MC1R: variants seen among roughly 807,000 people sequenced by gnomAD.
MC1R encodes melanocyte-stimulating hormone receptor.
For missense variants in MC1R, 542 were observed against 430.0 expected (o/e 1.26, Z -2.30); for synonymous variants, 263 against 203.8 (o/e 1.29, Z -2.47).
In MC1R at chr16:89,920,089, C is replaced by G. The variant is rs778370171; in HGVS notation, c.831C>G (p.Phe277Leu). 6 of 1,613,956 alleles carry G rather than the reference C, an allele frequency of 3.7e-6. No individual in the cohort carries two copies. In the South Asian group the frequency reaches 4.4e-5, roughly 12 times the overall value. Residue 277 changes from phenylalanine (F) to leucine (L), a missense_variant, in exon 1 of 1, where the codon TTC (phenylalanine) becomes TTG (leucine). Transcript: ENST00000555147. ...CPEHPTCGCI[F>L]KNFNLFLALI... ...AGCACCCCACGTGCGGCTGCATCTTCAAGAACTTCAACCTCTTTCTCGCCC... is the reference window on the plus strand; with the variant it reads ...AGCACCCCACGTGCGGCTGCATCTTGAAGAACTTCAACCTCTTTCTCGCCC...
In MC1R at chr16:89,920,443, A is replaced by G; in HGVS notation, c.*231A>G. 1 of 619,890 alleles carries G rather than the reference A, an allele frequency of 1.6e-6. No homozygotes were observed. Among genetic ancestry groups the G allele is most frequent in the East Asian group, 2.7e-5 (1 of 36,496 alleles). 38.4% of individuals were successfully genotyped at this position (619,890 alleles called of 1,614,324 possible). On this transcript the variant is annotated 3_prime_UTR_variant, in exon 1 of 1. Coordinates refer to ENST00000555147, the MANE Select transcript of MC1R (RefSeq NM_002386.4). ...CACCAGCAGTCGTGGGGAACGGAGGAGGACATGGGGAGGTTGTGGGGCCTC... is the reference window on the plus strand; with the variant it reads ...CACCAGCAGTCGTGGGGAACGGAGGGGGACATGGGGAGGTTGTGGGGCCTC...
In MC1R at chr16:89,919,231, G is replaced by T; in HGVS notation, c.-28G>T. 4 of 1,473,962 alleles carry T rather than the reference G, an allele frequency of 2.7e-6. No homozygotes were observed. Among genetic ancestry groups the T allele is most frequent in the South Asian group, 1.3e-5 (1 of 77,234 alleles). 91.3% of individuals were successfully genotyped at this position (1,473,962 alleles called of 1,614,324 possible). ...CTGTGGGGACCTGGAGGCCTCCAACGACTCCTTCCTGCTTCCTGGACAGGA... is the reference window on the plus strand; with the variant it reads ...CTGTGGGGACCTGGAGGCCTCCAACTACTCCTTCCTGCTTCCTGGACAGGA... On this transcript the variant is annotated 5_prime_UTR_variant, in exon 1 of 1. Transcript: ENST00000555147.
In MC1R at chr16:89,920,958, A is replaced by G; in HGVS notation, c.*746A>G. Reference sequence around the variant, plus strand: ...CCAGGAAAGTCTGGTAATAAATGTGACTCAGCATCACCCACCTTAGCCCCT... The same window carrying G: ...CCAGGAAAGTCTGGTAATAAATGTGGCTCAGCATCACCCACCTTAGCCCCT... On this transcript the variant is annotated 3_prime_UTR_variant, in exon 1 of 1. Transcript: ENST00000555147. The G allele has an allele frequency of 1.9e-6, 1 of 522,950 alleles. No homozygotes were observed. 32.4% of individuals were successfully genotyped at this position (522,950 alleles called of 1,614,324 possible).
Position 89,920,077 on chromosome 16 carries a change from C to T in MC1R, c.819C>T (p.Cys273=), listed in dbSNP as rs375813196. 431 of 1,613,830 alleles carry T rather than the reference C, an allele frequency of 2.7e-4. No homozygotes were observed. The African/African-American group carries it at 5.1e-3, about 19-fold the overall frequency. ...TCCTCTGCCCCGAGCACCCCACGTG[C>T]GGCTGCATCTTCAAGAACTTCAACC... is the stretch of plus-strand genomic sequence containing the variant. ...LIVLCPEHPT[C]GCIFKNFNLF... is the part of the protein sequence containing the mutation. Residue 273 remains cysteine, a synonymous_variant, in exon 1 of 1, where the codon TGC becomes TGT. Coordinates refer to ENST00000555147, the MANE Select transcript of MC1R (RefSeq NM_002386.4).
Position 89,919,923 on chromosome 16 carries a change from C to T in MC1R, c.665C>T (p.Ala222Val). 1 of 1,609,720 alleles carries T rather than the reference C, an allele frequency of 6.2e-7. No individual in the cohort carries two copies. Residue 222 changes from alanine to valine, a missense_variant, in exon 1 of 1, where the codon GCC becomes GTC. Ala to Val is a moderately conservative substitution (Grantham distance 64, BLOSUM62 0). Transcript: ENST00000555147. ...GCCTGCCAGCACGCCCAGGGCATCG[C>T]CCGGCTCCACAAGAGGCAGCGCCCG... ...ARACQHAQGI[A>V]RLHKRQRPVH...
chr16:89,919,120 G>T lies in MC1R; in HGVS notation c.-139G>T. On this transcript the variant is annotated 5_prime_UTR_variant, in exon 1 of 1. Coordinates refer to ENST00000555147, the MANE Select transcript of MC1R (RefSeq NM_002386.4). Reference sequence around the variant, plus strand: ...AGGGTGTGAGGGCAGATCTGGGGGTGCCCAGATGGAAGGAGGCAGGCATGG... The same window carrying T: ...AGGGTGTGAGGGCAGATCTGGGGGTTCCCAGATGGAAGGAGGCAGGCATGG... The T allele has an allele frequency of 1.6e-6, 1 of 638,874 alleles. No individual in the cohort carries two copies. Among genetic ancestry groups the T allele is most frequent in the Non-Finnish European group, 2.7e-6 (1 of 368,250 alleles). 39.6% of individuals were successfully genotyped at this position (638,874 alleles called of 1,614,324 possible). A position where few individuals can be genotyped will look rare whatever the true frequency, so the allele number is the denominator to read the frequency against.
rs374827260 is a variant in MC1R at position 89,919,608 on chromosome 16, A to G, written c.350A>G (p.Asp117Gly). Residue 117 changes from aspartate to glycine, a missense_variant, in exon 1 of 1, where the codon GAC becomes GGC. Transcript: ENST00000555147. ...CGGGCTGCGGTGCTGCAGCAGCTGG[A>G]CAATGTCATTGACGTGATCACCTGC... ...VARAAVLQQL[D>G]NVIDVITCSS... 1 of 1,608,578 alleles carries G rather than the reference A, an allele frequency of 6.2e-7. No individual in the cohort carries two copies. The highest frequency in any genetic ancestry group is 8.5e-7 in the Non-Finnish European group (1 of 1,179,772).
Position 89,920,387 on chromosome 16 carries a change from G to A in MC1R, c.*175G>A, listed in dbSNP as rs2045709709. 1.6e-6 allele frequency: 1 copy of A among 640,902 alleles called. No individual in the cohort carries two copies. The highest frequency in any genetic ancestry group is 2.0e-5 in the South Asian group (1 of 50,354). 39.7% of individuals were successfully genotyped at this position (640,902 alleles called of 1,614,324 possible). On this transcript the variant is annotated 3_prime_UTR_variant, in exon 1 of 1. Transcript: ENST00000555147. ...CGCGGACCCTTCTGGGTCCAGGGAG[G>A]GGTCCCTGCAAAACTCCAGGCAGGA...
chr16:89,919,051 G>T lies in MC1R; in HGVS notation c.-208G>T. On this transcript the variant is annotated 5_prime_UTR_variant, in exon 1 of 1. Coordinates refer to ENST00000555147, the MANE Select transcript of MC1R (RefSeq NM_002386.4). ...AGGCGGTAGATGCCAGGAGGTGTCT[G>T]GACTGGCTGGGCCATGCCTGGGCTG... 1 of 575,924 alleles carries T rather than the reference G, an allele frequency of 1.7e-6. No homozygotes were observed. The highest frequency in any genetic ancestry group is 4.6e-4 in the Middle Eastern group (1 of 2,180). 35.7% of individuals were successfully genotyped at this position (575,924 alleles called of 1,614,324 possible). A position where few individuals can be genotyped will look rare whatever the true frequency, so the allele number is the denominator to read the frequency against.
In MC1R at chr16:89,920,085, T is replaced by C; in HGVS notation, c.827T>C (p.Ile276Thr). The C allele has an allele frequency of 6.2e-7, 1 of 1,613,922 alleles. No individual in the cohort carries two copies. Among genetic ancestry groups the C allele is most frequent in the Admixed American group, 1.7e-5 (1 of 60,016 alleles). Reference protein sequence around the residue: ...LCPEHPTCGCIFKNFNLFLAL... With the variant: ...LCPEHPTCGCTFKNFNLFLAL... ...CCCGAGCACCCCACGTGCGGCTGCATCTTCAAGAACTTCAACCTCTTTCTC... is the reference window on the plus strand; with the variant it reads ...CCCGAGCACCCCACGTGCGGCTGCACCTTCAAGAACTTCAACCTCTTTCTC... Residue 276 changes from isoleucine to threonine, a missense_variant, in exon 1 of 1, where the codon ATC becomes ACC. Coordinates refer to ENST00000555147, the MANE Select transcript of MC1R (RefSeq NM_002386.4).
chr16:89,920,081 T>C lies in MC1R; in HGVS notation c.823T>C (p.Cys275Arg), dbSNP rs1398171215. ...CTGCCCCGAGCACCCCACGTGCGGC[T>C]GCATCTTCAAGAACTTCAACCTCTT... The part of the protein sequence containing the change: ...VLCPEHPTCG[C>R]IFKNFNLFLA... The change falls in exon 1 of 1, where the codon TGC becomes CGC. Residue 275 changes from cysteine to arginine, a missense_variant. By Grantham distance (180) the Cys-to-Arg change is radical. Transcript: ENST00000555147. 8 of 1,613,802 alleles carry C rather than the reference T, an allele frequency of 5.0e-6. No individual in the cohort carries two copies. Among genetic ancestry groups the C allele is most frequent in the Non-Finnish European group, 5.9e-6 (7 of 1,179,882 alleles).
Position 89,919,650 on chromosome 16 carries a change from GC to G in MC1R, c.394del (p.Leu132SerfsTer25). 6.2e-7 allele frequency: 1 copy of G among 1,606,834 alleles called. No homozygotes were observed. ...DVITCSSMLS[S>X]LCFLGAIAVD... ...ATCACCTGCAGCTCCATGCTGTCCA[GC>G]CTCTGCTTCCTGGGCGCCATCGCCG... On this transcript the variant is annotated frameshift_variant, in exon 1 of 1. Coordinates refer to ENST00000555147, the MANE Select transcript of MC1R (RefSeq NM_002386.4). LOFTEE classifies it low-confidence loss of function (END_TRUNC).
rs765848904 is a variant in MC1R at position 89,919,465 on chromosome 16, G to A, written c.207G>A (p.Leu69=). ...VVATIAKNRN[L]HSPMYCFICC... ...CCACCATCGCCAAGAACCGGAACCT[G>A]CACTCACCCATGTACTGCTTCATCT... Residue 69 remains leucine, a synonymous_variant, in exon 1 of 1, where the codon CTG becomes CTA. Transcript: ENST00000555147. The A allele has an allele frequency of 1.3e-5, 21 of 1,613,182 alleles. No individual in the cohort carries two copies. Among genetic ancestry groups the A allele is most frequent in the Non-Finnish European group, 1.4e-5 (17 of 1,179,904 alleles).
Position 89,920,959 on chromosome 16 carries a change from C to G in MC1R, c.*747C>G. On this transcript the variant is annotated 3_prime_UTR_variant, in exon 1 of 1. Transcript: ENST00000555147. The stretch of plus-strand genomic sequence containing the variant: ...CAGGAAAGTCTGGTAATAAATGTGA[C>G]TCAGCATCACCCACCTTAGCCCCTT... 1 of 527,676 alleles carries G rather than the reference C, an allele frequency of 1.9e-6. No homozygotes were observed. The highest frequency in any genetic ancestry group is 3.4e-6 in the Non-Finnish European group (1 of 291,176). 32.7% of individuals were successfully genotyped at this position (527,676 alleles called of 1,614,324 possible).
rs1401007328 is a variant in MC1R, at chr16:89,920,558, C to T, written c.*346C>T. The T allele has an allele frequency of 3.1e-6, 2 of 646,580 alleles. No homozygotes were observed. Among genetic ancestry groups the T allele is most frequent in the Non-Finnish European group, 5.7e-6 (2 of 352,040 alleles). The allele number at this position is 646,580 out of a possible 1,614,324, so 40.1% of individuals were successfully genotyped here. Reference sequence around the variant, plus strand: ...CACTCCGTCTGCTCCAATGACTGAGCAGCATCCACCCCACCCCATCTTTGC... The same window carrying T: ...CACTCCGTCTGCTCCAATGACTGAGTAGCATCCACCCCACCCCATCTTTGC... On this transcript the variant is annotated 3_prime_UTR_variant, in exon 1 of 1. Transcript: ENST00000555147.
Position 89,920,076 on chromosome 16 carries a change from G to A in MC1R, c.818G>A (p.Cys273Tyr), listed in dbSNP as rs368281517. ...LIVLCPEHPT[C>Y]GCIFKNFNLF... ...GTCCTCTGCCCCGAGCACCCCACGTGCGGCTGCATCTTCAAGAACTTCAAC... is the reference window on the plus strand; with the variant it reads ...GTCCTCTGCCCCGAGCACCCCACGTACGGCTGCATCTTCAAGAACTTCAAC... The change falls in exon 1 of 1, where the codon TGC becomes TAC. Residue 273 changes from cysteine (C) to tyrosine (Y), a missense_variant. Transcript: ENST00000555147. The A allele has an allele frequency of 6.2e-7, 1 of 1,613,712 alleles. No homozygotes were observed. The highest frequency in any genetic ancestry group is 1.3e-5 in the African/African-American group (1 of 74,926).
At position 89,919,822 on chromosome 16, in the gene MC1R, C is replaced by T. The variant is rs2045699927; in HGVS notation, c.564C>T (p.Val188=). ...TCGCCTACTACGACCACGTGGCCGTCCTGCTGTGCCTCGTGGTCTTCTTCC... is the reference window on the plus strand; with the variant it reads ...TCGCCTACTACGACCACGTGGCCGTTCTGCTGTGCCTCGTGGTCTTCTTCC... ...LFIAYYDHVA[V]LLCLVVFFLA... The change falls in exon 1 of 1, where the codon GTC becomes GTT. Residue 188 remains valine, a synonymous_variant. Transcript: ENST00000555147. 6.2e-7 allele frequency: 1 copy of T among 1,607,106 alleles called. No homozygotes were observed. Among genetic ancestry groups the T allele is most frequent in the Non-Finnish European group, 8.5e-7 (1 of 1,179,588 alleles).
Position 89,920,233 on chromosome 16 carries a change from AGT to A in MC1R, c.*25_*26del, listed in dbSNP as rs1567758795. 1 of 1,590,298 alleles carries A rather than the reference AGT, an allele frequency of 6.3e-7. No individual in the cohort carries two copies. Among genetic ancestry groups the A allele is most frequent in the Middle Eastern group, 1.7e-4 (1 of 6,016 alleles). Reference sequence around the variant, plus strand: ...GGTGAGCGCGGTGCACGCGGCTTTAAGTGTGCTGGGCAGAGGGAGGTGGTGAT... The same window carrying A: ...GGTGAGCGCGGTGCACGCGGCTTTAAGTGCTGGGCAGAGGGAGGTGGTGAT... On this transcript the variant is annotated 3_prime_UTR_variant, in exon 1 of 1. Transcript: ENST00000555147.
chr16:89,919,788 C>A lies in MC1R; in HGVS notation c.530C>A (p.Thr177Lys), dbSNP rs773631824. Residue 177 changes from threonine (T) to lysine (K), a missense_variant, in exon 1 of 1, where the codon ACG (threonine) becomes AAG (lysine). By Grantham distance (78) the Thr-to-Lys change is moderately conservative. Coordinates refer to ENST00000555147, the MANE Select transcript of MC1R (RefSeq NM_002386.4). ...TGGGTGGCCAGTGTCGTCTTCAGCA[C>A]GCTCTTCATCGCCTACTACGACCAC... ...AIWVASVVFS[T>K]LFIAYYDHVA... The A allele has an allele frequency of 3.7e-6, 6 of 1,608,158 alleles. No homozygotes were observed. The highest frequency in any genetic ancestry group is 3.3e-5 in the South Asian group (3 of 91,090).
Sources: gnomAD v4.1 joint callset for allele counts on GRCh38, gnomAD v4.1.1 for gene constraint, MANE v1.5 for transcripts, NCBI Gene and HGNC (gene_info 2026-07-23, HGNC 2026-07-21) for gene names.